UBE4B: variants seen among roughly 807,000 people sequenced by gnomAD.
UBE4B encodes the protein ubiquitin conjugation factor E4 B.
UBE4B carries 27 observed loss-of-function variants against 148.1 expected under a neutral mutation model. That is an observed-to-expected ratio of 0.18 (90% CI 0.13 to 0.25). The LOEUF is 0.25. Among genes scored for constraint, UBE4B ranks in the 10% least tolerant of loss-of-function variants. The pLI is 1.00. For synonymous variants in UBE4B, 596 were observed against 619.3 expected (o/e 0.96, Z 0.56); for missense variants, 1,170 against 1,662.4 (o/e 0.70, Z 5.15).
intron 2 of UBE4B, among the ~76,000 whole-genome samples, chr1:10,089,358 T>A (rs1410277066): frequency 6.6e-6 from 1 of 152,156 alleles, no homozygotes; most frequent in Non-Finnish European, 1.5e-5. Context: ...GTCAGTCTGC[T>A]CTATGAAATA....
At chr1:10,093,814 C>A (rs1179044804) in intron 2 of UBE4B, among the ~76,000 whole-genome samples, 1 of 151,864 alleles carries the variant, frequency 6.6e-6, no homozygotes, top group Non-Finnish European at 1.5e-5. Flanking sequence ...CCTGCCTGAA[C>A]CTCCCAAGTA....
At chr1:10,086,354 C>T (rs1325302719) in intron 2 of UBE4B, among the ~76,000 whole-genome samples, 3 of 152,014 alleles carry the variant, frequency 2.0e-5, no homozygotes, top group Non-Finnish European at 2.9e-5. Flanking sequence ...GTGATCCACC[C>T]GCCTTGGCCT....
At chr1:10,078,399 G>A (rs866981362) in intron 2 of UBE4B, among the ~76,000 whole-genome samples, 24 of 152,164 alleles carry the variant, frequency 1.6e-4, no homozygotes, top group African/African-American at 5.8e-4. Context: ...GTGAGACTCA[G>A]TTTCTTTCCT....
At chr1:10,072,450 A>T in intron 2 of UBE4B, 1 of 675,468 alleles carries the variant, frequency 1.5e-6, no homozygotes, top group Non-Finnish European at 2.6e-6. Context: ...TTTTTTTCAA[A>T]CAGGTTTAGG....
chr1:10,070,453 A>C lies in UBE4B; in HGVS notation c.25-1575A>C, dbSNP rs559785456. 4.6e-5 allele frequency among the ~76,000 whole-genome samples: 7 copies of C among 151,914 alleles called. 1 individual carries two copies. Among genetic ancestry groups the C allele is most frequent in the South Asian group, 2.1e-4 (1 of 4,794 alleles). On this transcript the variant is annotated intron_variant, in intron 1 of 27. Coordinates refer to ENST00000343090, the MANE Select transcript of UBE4B (RefSeq NM_001105562.3). ...TATCCAGTTAAAATTAAAAAAAAAA[A>C]AAAAAAACCATTACCAGATCCCTAG...
intron 2 of UBE4B, among the ~76,000 whole-genome samples, chr1:10,081,529 A>T (rs561764854): frequency 5.9e-4 from 90 of 151,384 alleles, no homozygotes; most frequent in Non-Finnish European, 1.1e-3. Flanking sequence ...GGCTCAAGTG[A>T]TCCTTTTACC....
At chr1:10,100,031 C>T (rs1315011663) in intron 3 of UBE4B, among the ~76,000 whole-genome samples, 2 of 151,888 alleles carry the variant, frequency 1.3e-5, no homozygotes, top group African/African-American at 4.8e-5. Flanking sequence ...GCTCTGTCGC[C>T]CAGGCTGGAG....
At chr1:10,148,526 G>A (rs1210595289) in intron 19 of UBE4B, among the ~76,000 whole-genome samples, 1 of 151,422 alleles carries the variant, frequency 6.6e-6, no homozygotes, top group Non-Finnish European at 1.5e-5. Flanking sequence ...CAGCTACTCG[G>A]GAGGCTGAGG....
chr1:10,152,878 C>G (rs1646000407), intron 21 of UBE4B, among the ~76,000 whole-genome samples: 1 of 151,820 alleles, frequency 6.6e-6, no homozygotes, highest in Non-Finnish European at 1.5e-5. Context: ...GTCTGGGGAC[C>G]CAAGGGAAGA....
chr1:10,035,647 C>G (rs1173474745), intron 1 of UBE4B, among the ~76,000 whole-genome samples: 2 of 146,382 alleles, frequency 1.4e-5, no homozygotes, highest in African/African-American at 2.5e-5. Context: ...ACCTTGTGAT[C>G]TGCCCGCCTC....
At position 10,161,999 on chromosome 1, in the gene UBE4B, C is replaced by CTTTTTTTTTTTTT. The variant is rs764089127; in HGVS notation, c.3198+717_3198+729dup. Among the ~76,000 whole-genome samples, 2 of 137,258 alleles carry CTTTTTTTTTTTTT rather than the reference C, an allele frequency of 1.5e-5. No individual in the cohort carries two copies. The highest frequency in any genetic ancestry group is 3.2e-5 in the Non-Finnish European group (2 of 62,928). The allele number at this position is 137,258 out of a possible 152,430, so 90.0% of individuals were successfully genotyped here. On this transcript the variant is annotated intron_variant, in intron 23 of 27. Coordinates refer to ENST00000343090, the MANE Select transcript of UBE4B (RefSeq NM_001105562.3). The surrounding 1 kb of genome is among the most constrained non-coding windows in gnomAD (Gnocchi z 4.1). ...GGGGACTGCTTTTTCTTCACTTTTTCTTTTTTTTTTTTTTTTGAGACGGAG... is the reference window on the plus strand; with the variant it reads ...GGGGACTGCTTTTTCTTCACTTTTTCTTTTTTTTTTTTTTTTTTTTTTTTTTTTTGAGACGGAG...
At chr1:10,045,191 A>G (rs1643887848) in intron 1 of UBE4B, among the ~76,000 whole-genome samples, 1 of 152,218 alleles carries the variant, frequency 6.6e-6, no homozygotes, top group South Asian at 2.1e-4. Context: ...CTGCAAATAC[A>G]GATGGAGCTT....
chr1:10,123,427 CAAAAAAA>C (rs34527607), intron 10 of UBE4B, among the ~76,000 whole-genome samples: 34 of 35,680 alleles, frequency 9.5e-4, no homozygotes, highest in East Asian at 4.3e-3. Flanking sequence ...AAGACTGTCT[CAAAAAAA>C]AAAAAAAAAA....
At chr1:10,099,786 T>A (rs1644980488) in intron 3 of UBE4B, among the ~76,000 whole-genome samples, 1 of 152,136 alleles carries the variant, frequency 6.6e-6, no homozygotes, top group Non-Finnish European at 1.5e-5. Flanking sequence ...AACAGAACAG[T>A]AATGAGTCTC....
At chr1:10,160,140 A>G (rs1040353242) in intron 22 of UBE4B, among the ~76,000 whole-genome samples, 2 of 152,238 alleles carry the variant, frequency 1.3e-5, no homozygotes, top group African/African-American at 4.8e-5. Flanking sequence ...AGGTAGGCCA[A>G]GCTATTTCAG....
At chr1:10,146,088 C>T (rs919563303) in intron 18 of UBE4B, among the ~76,000 whole-genome samples, 1 of 152,126 alleles carries the variant, frequency 6.6e-6, no homozygotes, top group African/African-American at 2.4e-5. Context: ...GCACAATTAA[C>T]AAGGGGCCCT....
chr1:10,148,353 TG>T (rs1002461997), intron 19 of UBE4B, among the ~76,000 whole-genome samples: 1 of 152,026 alleles, frequency 6.6e-6, no homozygotes, highest in African/African-American at 2.4e-5. Flanking sequence ...TCAAGAAGGC[TG>T]GGCGTGGTGG....
intron 3 of UBE4B, among the ~76,000 whole-genome samples, chr1:10,096,541 G>C (rs887758963): frequency 2.0e-5 from 3 of 151,844 alleles, no homozygotes; most frequent in Non-Finnish European, 4.4e-5. Flanking sequence ...AGACCAACCT[G>C]GAAACCCTGT....
chr1:10,137,038 T>C, intron 16 of UBE4B, 29 bp from the exon 17 acceptor site: 1 of 1,613,528 alleles, frequency 6.2e-7, no homozygotes, highest in Non-Finnish European at 8.5e-7. Context: ...TAATAGATTT[T>C]ATTTAGGGAA....
Sources: gnomAD v4.1 joint callset for allele counts (sites outside exome capture counted in the v4.1 genomes callset) on GRCh38, gnomAD v4.1.1 for gene constraint, Gnocchi (gnomAD v3.1) non-coding constraint, MANE v1.5 for transcripts, NCBI Gene and HGNC (gene_info 2026-07-23, HGNC 2026-07-21) for gene names.